Variants in DRC11 observed in about 807,000 individuals in gnomAD.
DRC11 encodes IQ and AAA domain-containing protein 1.
At chr2:236,458,463 A>G in the DRC11 span, among the ~76,000 whole-genome samples, 1 of 152,246 alleles carries the variant, frequency 6.6e-6, no homozygotes, top group African/African-American at 2.4e-5. Flanking sequence ...TGCACAAACT[A>G]TATACAAGTA....
chr2:236,312,191 A>G, the DRC11 span, among the ~76,000 whole-genome samples: 2 of 152,184 alleles, frequency 1.3e-5, no homozygotes, highest in African/African-American at 4.8e-5. Flanking sequence ...GGACTGAGAC[A>G]CCACTGAATC....
the DRC11 span, among the ~76,000 whole-genome samples, chr2:236,409,745 T>C: frequency 1.3e-5 from 2 of 151,934 alleles, no homozygotes; most frequent in African/African-American, 4.9e-5. Flanking sequence ...GGCTGTGGGT[T>C]TGTCATAGAT....
chr2:236,369,493 AT>A, the DRC11 span, among the ~76,000 whole-genome samples: 15 of 152,332 alleles, frequency 9.8e-5, no homozygotes, highest in African/African-American at 3.6e-4. The surrounding 1 kb of genome is among the most constrained non-coding windows in gnomAD (Gnocchi z 4.5). Context: ...ATAGAAAGAG[AT>A]CCTGTAACAA....
At chr2:236,344,427 TACAG>T in the DRC11 span, 1 of 649,832 alleles carries the variant, frequency 1.5e-6, no homozygotes, top group Admixed American at 2.6e-5. Context: ...CAGAGACCAC[TACAG>T]AGAGCCCCAG....
chr2:236,350,813 C>T, the DRC11 span, among the ~76,000 whole-genome samples: 6 of 152,296 alleles, frequency 3.9e-5, no homozygotes, highest in East Asian at 1.9e-4. The surrounding 1 kb of genome is among the most constrained non-coding windows in gnomAD (Gnocchi z 5.2). Context: ...CTCCAGAGCT[C>T]GGATCTCTGG....
chr2:236,473,872 A>G, the DRC11 span, among the ~76,000 whole-genome samples: 1 of 152,192 alleles, frequency 6.6e-6, no homozygotes, highest in Admixed American at 6.5e-5. The surrounding 1 kb of genome is among the most constrained non-coding windows in gnomAD (Gnocchi z 4.8). Context: ...TTCTGGTTTC[A>G]GTTACTAAAT....
chr2:236,316,459 A>G, the DRC11 span, among the ~76,000 whole-genome samples: 1 of 152,098 alleles, frequency 6.6e-6, no homozygotes, highest in Non-Finnish European at 1.5e-5. This position sits in a 1 kb window ranked among gnomAD's most constrained non-coding sequence, Gnocchi z 6.8. Flanking sequence ...CACCGCAAGA[A>G]CTTTCATTAA....
chr2:236,497,126 A>C, the DRC11 span: 1 of 1,328,772 alleles, frequency 7.5e-7, no homozygotes. The surrounding 1 kb of genome is among the most constrained non-coding windows in gnomAD (Gnocchi z 5.1). Context: ...TTTATAACAA[A>C]AAAAAGCAAC....
the DRC11 span, among the ~76,000 whole-genome samples, chr2:236,358,168 ATAATATATATACTC>A: frequency 1.6e-5 from 2 of 122,238 alleles, no homozygotes; most frequent in Non-Finnish European, 3.2e-5. Flanking sequence ...ATATGAATAT[ATAATATATATACTC>A]TATGAATATA....
At chr2:236,497,368 G>C in the DRC11 span, 1 of 1,613,948 alleles carries the variant, frequency 6.2e-7, no homozygotes, top group Non-Finnish European at 8.5e-7. This position sits in a 1 kb window ranked among gnomAD's most constrained non-coding sequence, Gnocchi z 5.1. Context: ...TACGTAGAAG[G>C]TGGCTAATGT....
the DRC11 span, chr2:236,331,562 C>G: frequency 1.2e-6 from 2 of 1,613,866 alleles, no homozygotes; most frequent in Non-Finnish European, 8.5e-7. The surrounding 1 kb of genome is among the most constrained non-coding windows in gnomAD (Gnocchi z 4.8). Flanking sequence ...CTGGTGAGGA[C>G]TCCTCCATTG....
the DRC11 span, among the ~76,000 whole-genome samples, chr2:236,326,634 C>T: frequency 1.3e-5 from 2 of 152,082 alleles, no homozygotes; most frequent in Non-Finnish European, 2.9e-5. Context: ...TATCTCTTCT[C>T]ATTTCATTTT....
the DRC11 span, among the ~76,000 whole-genome samples, chr2:236,325,598 C>CTTTTTTTTT: frequency 1.4e-5 from 2 of 142,154 alleles, no homozygotes. This position sits in a 1 kb window ranked among gnomAD's most constrained non-coding sequence, Gnocchi z 4.4. Context: ...CTTTGTATGT[C>CTTTTTTTTT]TTTTTTTTTT....
chr2:236,494,458 C>T, the DRC11 span, among the ~76,000 whole-genome samples: 1 of 152,224 alleles, frequency 6.6e-6, no homozygotes, highest in Non-Finnish European at 1.5e-5. This position sits in a 1 kb window ranked among gnomAD's most constrained non-coding sequence, Gnocchi z 4.2. Context: ...CCAAATATTT[C>T]AAACCAGTGG....
chr2:236,459,632 T>TATACGTATATACGTATATAC, the DRC11 span, among the ~76,000 whole-genome samples: 858 of 139,516 alleles, frequency 6.1e-3, 18 homozygotes, highest in African/African-American at 0.023. Flanking sequence ...TACATACGTA[T>TATACGTATATACGTATATAC]ATACGTATAT....
At chr2:236,408,924 C>A in the DRC11 span, 17 of 673,024 alleles carry the variant, frequency 2.5e-5, no homozygotes, top group South Asian at 2.5e-4. This position sits in a 1 kb window ranked among gnomAD's most constrained non-coding sequence, Gnocchi z 5.5. Context: ...GTGGGTCATG[C>A]CAACCTTGTA....
the DRC11 span, among the ~76,000 whole-genome samples, chr2:236,321,650 G>A: frequency 1.3e-5 from 2 of 152,220 alleles, no homozygotes; most frequent in African/African-American, 4.8e-5. Context: ...TTGGCTCAGA[G>A]GAGGGGCTGG....
chr2:236,397,509 G>T, the DRC11 span, among the ~76,000 whole-genome samples: 63,096 of 152,118 alleles, frequency 0.41, 13,429 homozygotes, highest in Non-Finnish European at 0.45. The surrounding 1 kb of genome is among the most constrained non-coding windows in gnomAD (Gnocchi z 5.0). Flanking sequence ...GCCAAGGAAG[G>T]CTCAAGGATC....
At chr2:236,429,714 C>T in the DRC11 span, among the ~76,000 whole-genome samples, 1 of 152,004 alleles carries the variant, frequency 6.6e-6, no homozygotes, top group Non-Finnish European at 1.5e-5. The surrounding 1 kb of genome is among the most constrained non-coding windows in gnomAD (Gnocchi z 5.9). Context: ...ACACGAGGGC[C>T]ACTTGGGTGG....
Sources: allele counts gnomAD v4.1 joint callset (sites outside exome capture counted in the v4.1 genomes callset), GRCh38; gene constraint gnomAD v4.1.1; non-coding constraint Gnocchi (gnomAD v3.1); transcripts MANE v1.5; gene names NCBI Gene and HGNC (gene_info 2026-07-23, HGNC 2026-07-21).